Variants in ACSF3 observed in about 807,000 individuals in gnomAD.
The protein encoded by ACSF3 is malonate--CoA ligase ACSF3, mitochondrial.
In ACSF3, 78 loss-of-function variants were observed where a neutral mutation model predicts 53.2. That is an observed-to-expected ratio of 1.47 (90% CI 1.22 to 1.77). ACSF3 has a LOEUF of 1.77. Ranked by LOEUF, ACSF3 falls within the 40% of genes most tolerant of loss-of-function variation. The pLI, the probability that ACSF3 is intolerant of heterozygous loss-of-function variation, is 0.00. For synonymous variants in ACSF3, 414 were observed against 333.1 expected (o/e 1.24, Z -2.65); for missense variants, 937 against 771.1 (o/e 1.22, Z -2.55).
At chr16:89,141,538 G>A (rs986672396) in intron 8 of ACSF3, among the ~76,000 whole-genome samples, 1 of 152,238 alleles carries the variant, frequency 6.6e-6, no homozygotes, top group Non-Finnish European at 1.5e-5. Flanking sequence ...GGAGGGCCCC[G>A]GCCTAGAGGG....
At position 89,101,255 on chromosome 16, in the gene ACSF3, T is replaced by C; in HGVS notation, c.574T>C (p.Trp192Arg). The change falls in exon 3 of 11, where the codon TGG becomes CGG. Residue 192 changes from tryptophan to arginine, a missense_variant. Trp to Arg is a moderately radical substitution (Grantham distance 101). Transcript: ENST00000614302. The stretch of plus-strand genomic sequence containing the variant: ...AGAGGTCCCGGTCCCAGAGCAGGGA[T>C]GGAGGAACAAGGGCGCCATGATCAT... ...PAEVPVPEQG[W>R]RNKGAMIIYT... The C allele has an allele frequency of 6.2e-7, 1 of 1,601,962 alleles. No homozygotes were observed. The highest frequency in any genetic ancestry group is 8.5e-7 in the Non-Finnish European group (1 of 1,174,700).
At chr16:89,130,334 G>A (rs995012253) in intron 7 of ACSF3, among the ~76,000 whole-genome samples, 6 of 152,158 alleles carry the variant, frequency 3.9e-5, no homozygotes, top group African/African-American at 1.4e-4. Flanking sequence ...CACTTTGGGA[G>A]GCCAAGGTGG....
chr16:89,154,821 G>A lies in ACSF3; in HGVS notation c.*614G>A. The stretch of plus-strand genomic sequence containing the variant: ...CCTGCCACCCTGCACACTACTGTGT[G>A]TCCATCAGCATGTGTCACAGAAAGT... On this transcript the variant is annotated 3_prime_UTR_variant, in exon 11 of 11. Coordinates refer to ENST00000614302, the MANE Select transcript of ACSF3 (RefSeq NM_001243279.3). 2.2e-6 allele frequency: 1 copy of A among 454,132 alleles called. No homozygotes were observed. Among genetic ancestry groups the A allele is most frequent in the Non-Finnish European group, 4.4e-6 (1 of 226,796 alleles). 28.1% of individuals were successfully genotyped at this position (454,132 alleles called of 1,614,324 possible).
intron 2 of ACSF3, 138 bp downstream of exon 2, chr16:89,098,901 C>T (rs180876717): frequency 2.5e-6 from 1 of 399,824 alleles, no homozygotes; most frequent in African/African-American, 2.1e-5. Flanking sequence ...ACGGTAGCAT[C>T]ATTGTCAAAA....
At chr16:89,101,416 A>G in intron 3 of ACSF3, 69 bp downstream of exon 3, 2 of 1,547,068 alleles carry the variant, frequency 1.3e-6, no homozygotes, top group Non-Finnish European at 1.7e-6. Context: ...CCGGGCCAGA[A>G]GCACATCTTT....
intron 7 of ACSF3, among the ~76,000 whole-genome samples, chr16:89,125,878 C>T (rs1288536366): frequency 1.3e-5 from 2 of 152,064 alleles, no homozygotes; most frequent in Admixed American, 1.3e-4. Flanking sequence ...TCCGTGAACA[C>T]AGTGTGTCTC....
intron 8 of ACSF3, among the ~76,000 whole-genome samples, chr16:89,134,099 G>A (rs762022400): frequency 5.9e-5 from 9 of 152,206 alleles, no homozygotes; most frequent in Non-Finnish European, 8.8e-5. Context: ...TTTGGATAGC[G>A]GACGTATGTG....
At chr16:89,112,555 A>G (rs1904299685) in intron 5 of ACSF3, among the ~76,000 whole-genome samples, 1 of 150,286 alleles carries the variant, frequency 6.7e-6, no homozygotes. Context: ...CCATCTCTCC[A>G]TCTATCTGTC....
chr16:89,095,735 C>T (rs1210696395), intron 1 of ACSF3, among the ~76,000 whole-genome samples: 1 of 152,264 alleles, frequency 6.6e-6, no homozygotes, highest in Non-Finnish European at 1.5e-5. Flanking sequence ...GGGGAGCACC[C>T]TGCTGAGCAC....
intron 8 of ACSF3, chr16:89,141,356 C>G: frequency 8.0e-7 from 1 of 1,244,324 alleles, no homozygotes; most frequent in Non-Finnish European, 1.1e-6. Context: ...TGCTGAGAAG[C>G]TAGAACAAAG....
At position 89,114,441 on chromosome 16, in the gene ACSF3, C is replaced by A. The variant is rs749101905; in HGVS notation, c.1080C>A (p.Ile360=). The A allele has an allele frequency of 5.6e-6, 9 of 1,613,484 alleles. No individual in the cohort carries two copies. In the South Asian group the frequency reaches 7.7e-5, roughly 14 times the overall value. ...TGGAGCGGTATGGCATGACCGAGAT[C>A]GGCATGGCTCTGTCCGGGCCCCTGA... ...TLLERYGMTE[I]GMALSGPLTT... Residue 360 remains isoleucine, a synonymous_variant, in exon 6 of 11, where the codon ATC becomes ATA. Transcript: ENST00000614302.
intron 7 of ACSF3, among the ~76,000 whole-genome samples, chr16:89,126,495 C>A (rs965532339): frequency 6.6e-6 from 1 of 152,186 alleles, no homozygotes; most frequent in Non-Finnish European, 1.5e-5. Context: ...TCTCAAACTC[C>A]TGACCTCAAG....
chr16:89,100,294 C>G (rs1385063262), intron 2 of ACSF3, among the ~76,000 whole-genome samples: 2 of 152,264 alleles, frequency 1.3e-5, no homozygotes, highest in Non-Finnish European at 2.9e-5. Flanking sequence ...CTGCACTTCC[C>G]CCTCTCACGG....
chr16:89,097,272 CT>C (rs1974736158), intron 1 of ACSF3, among the ~76,000 whole-genome samples: 1 of 152,234 alleles, frequency 6.6e-6, no homozygotes, highest in Admixed American at 6.5e-5. Flanking sequence ...TGAGCAGCAG[CT>C]TTAGTTAGAG....
Position 89,114,464 on chromosome 16 carries a change from T to C in ACSF3, c.1103T>C (p.Leu368Pro). Residue 368 changes from leucine (L) to proline (P), a missense_variant, in exon 6 of 11, where the codon CTG becomes CCG. Physicochemically the swap from Leu to Pro is moderately conservative, Grantham distance 98. Transcript: ENST00000614302. The stretch of plus-strand genomic sequence containing the variant: ...ATCGGCATGGCTCTGTCCGGGCCCC[T>C]GACCACTGCCGTGCGCCTGCCAGGT... ...TEIGMALSGPLTTAVRLPGSV... is the reference protein window; with the variant it reads ...TEIGMALSGPPTTAVRLPGSV... The C allele has an allele frequency of 6.2e-7, 1 of 1,613,120 alleles. No individual in the cohort carries two copies. Among genetic ancestry groups the C allele is most frequent in the Non-Finnish European group, 8.5e-7 (1 of 1,180,004 alleles).
At chr16:89,102,278 C>G in intron 3 of ACSF3, 1 of 410,516 alleles carries the variant, frequency 2.4e-6, no homozygotes, top group African/African-American at 2.0e-5. Context: ...GGCGCTGGGT[C>G]CCTGAGTCCC....
At position 89,154,328 on chromosome 16, in the gene ACSF3, C is replaced by T. The variant is rs779039096; in HGVS notation, c.*121C>T. ...AACCTGAACCCCCCAAATCAGGTCA[C>T]GTAGAATCAAGAACTGTTTGGGATG... is the stretch of plus-strand genomic sequence containing the variant. On this transcript the variant is annotated 3_prime_UTR_variant, in exon 11 of 11. Transcript: ENST00000614302. 62 of 921,540 alleles carry T rather than the reference C, an allele frequency of 6.7e-5. No homozygotes were observed. The Middle Eastern group carries it at 8.4e-4, about 12-fold the overall frequency. 57.1% of individuals were successfully genotyped at this position (921,540 alleles called of 1,614,324 possible).
chr16:89,109,051 G>A (rs1405552170), intron 4 of ACSF3, among the ~76,000 whole-genome samples: 4 of 151,824 alleles, frequency 2.6e-5, no homozygotes, highest in African/African-American at 7.3e-5. Flanking sequence ...TGACCAACAG[G>A]GTGAAACCCT....
intron 4 of ACSF3, among the ~76,000 whole-genome samples, chr16:89,111,491 C>T (rs965596838): frequency 2.0e-5 from 3 of 152,212 alleles, no homozygotes; most frequent in Non-Finnish European, 4.4e-5. Flanking sequence ...TCCGCCACAC[C>T]CTTCGGTGCT....
Sources: gnomAD v4.1 joint callset for allele counts (sites outside exome capture counted in the v4.1 genomes callset) on GRCh38, gnomAD v4.1.1 for gene constraint, MANE v1.5 for transcripts, NCBI Gene and HGNC (gene_info 2026-07-23, HGNC 2026-07-21) for gene names.